Variants in KCNMB4 observed in about 807,000 individuals in gnomAD.
KCNMB4 encodes the protein calcium-activated potassium channel subunit beta-4.
Under a neutral mutation model 20.7 loss-of-function variants are expected in KCNMB4, and 3 were observed. The ratio of observed to expected loss-of-function variants is 0.14; its 90% confidence interval spans 0.07 to 0.37. KCNMB4 has a LOEUF of 0.37. Among genes scored for constraint, KCNMB4 ranks in the 10% least tolerant of loss-of-function variants. The probability of loss-of-function intolerance (pLI) is 1.00; values close to 1 mark genes in which losing one functional copy is unlikely to be tolerated. For synonymous variants in KCNMB4, 110 were observed against 113.4 expected, an observed-to-expected ratio of 0.97 and a Z score of 0.19; for missense variants, 168 against 265.9, an observed-to-expected ratio of 0.63 and a Z score of 2.56.
intron 2 of KCNMB4, among the ~76,000 whole-genome samples, chr12:70,408,473 C>A (rs1303702419): frequency 6.6e-6 from 1 of 152,194 alleles, no homozygotes; most frequent in East Asian, 1.9e-4. Flanking sequence ...TTTTAAAAAT[C>A]TAAGACAAAG....
In KCNMB4 at chr12:70,366,953, C is replaced by A. The variant is rs1441490884; in HGVS notation, c.219C>A (p.Gly73=). 6.2e-7 allele frequency: 1 copy of A among 1,610,554 alleles called. No individual in the cohort carries two copies. Among genetic ancestry groups the A allele is most frequent in the Non-Finnish European group, 8.5e-7 (1 of 1,178,494 alleles). The change falls in exon 1 of 3, where the codon GGC becomes GGA. Residue 73 remains glycine, a synonymous_variant. Transcript: ENST00000258111. ...GEVFECTFTC[G]ADCRGTSQYP... ...TGTTCGAGTGCACCTTCACCTGTGG[C>A]GCCGACTGCAGGGGCACCTCGCAGT...
In KCNMB4 at chr12:70,366,619, C is replaced by G; in HGVS notation, c.-116C>G. ...CTCCCCCTCGCCGCCCACTCCCCTG[C>G]TGTCGCGCGGCGGCGGCGGTGGCGG... On this transcript the variant is annotated 5_prime_UTR_variant, in exon 1 of 3. Coordinates refer to ENST00000258111, the MANE Select transcript of KCNMB4 (RefSeq NM_014505.6). 1 of 695,120 alleles carries G rather than the reference C, an allele frequency of 1.4e-6. No homozygotes were observed. Among genetic ancestry groups the G allele is most frequent in the Non-Finnish European group, 1.9e-6 (1 of 514,488 alleles). 43.1% of individuals were successfully genotyped at this position (695,120 alleles called of 1,614,324 possible).
intron 2 of KCNMB4, among the ~76,000 whole-genome samples, chr12:70,428,509 G>A (rs1593351246): frequency 6.6e-6 from 1 of 152,264 alleles, no homozygotes; most frequent in East Asian, 1.9e-4. Flanking sequence ...ACAGCTATGA[G>A]CACTGTACCT....
rs546679597 is a variant in KCNMB4, at chr12:70,366,536, G to A, written c.-199G>A. 3.0e-3 allele frequency: 484 copies of A among 161,344 alleles called. 5 individuals are homozygous for A. The highest frequency in any genetic ancestry group is 0.011 in the African/African-American group (442 of 41,500). 10.0% of individuals were successfully genotyped at this position (161,344 alleles called of 1,614,324 possible). ...CAGGCGGCGGCTGGGGGGCTGGGGG[G>A]CGCTGCCGCCGCCGCCGCCGGGGGC... On this transcript the variant is annotated 5_prime_UTR_variant, in exon 1 of 3. Coordinates refer to ENST00000258111, the MANE Select transcript of KCNMB4 (RefSeq NM_014505.6).
At chr12:70,422,789 A>G in intron 2 of KCNMB4, 2 of 1,266,828 alleles carry the variant, frequency 1.6e-6, no homozygotes, top group Non-Finnish European at 1.0e-6. Flanking sequence ...CCCCGATCTC[A>G]GGGTTTTAAG....
intron 1 of KCNMB4, among the ~76,000 whole-genome samples, chr12:70,376,082 C>T (rs1323656934): frequency 6.9e-6 from 1 of 144,916 alleles, no homozygotes; most frequent in Non-Finnish European, 1.5e-5. Context: ...GCATAAAGAA[C>T]AAGAAAAGCA....
intron 2 of KCNMB4, among the ~76,000 whole-genome samples, chr12:70,424,716 C>T (rs1313044105): frequency 2.7e-4 from 41 of 151,630 alleles, no homozygotes; most frequent in Non-Finnish European, 5.9e-5. Flanking sequence ...TGCCACTGCA[C>T]TCCAGCCTGG....
At position 70,370,825 on chromosome 12, in the gene KCNMB4, CAG is replaced by C. The variant is rs1356721002; in HGVS notation, c.336+3758_336+3759del. ...CTGCCCTCTTGTATGTGAGACAAGA[CAG>C]AGTGAGTGATTAGAGATAATATGGT... On this transcript the variant is annotated intron_variant, in intron 1 of 2. Transcript: ENST00000258111. Among the ~76,000 whole-genome samples, 4 of 149,002 alleles carry C rather than the reference CAG, an allele frequency of 2.7e-5. 1 individual carries two copies. In the South Asian group the frequency reaches 6.3e-4, roughly 24 times the overall value.
Position 70,430,799 on chromosome 12 carries a change from C to A in KCNMB4, c.*146C>A. On this transcript the variant is annotated 3_prime_UTR_variant, in exon 3 of 3. Transcript: ENST00000258111. ...GCTCATCCCTCAGTGGCAACAGAAA[C>A]AGGCACAACTGGAAGACTTGGAACC... is the stretch of plus-strand genomic sequence containing the variant. 1 of 684,292 alleles carries A rather than the reference C, an allele frequency of 1.5e-6. No individual in the cohort carries two copies. The highest frequency in any genetic ancestry group is 2.2e-6 in the Non-Finnish European group (1 of 447,482). The allele number at this position is 684,292 out of a possible 1,614,324, so 42.4% of individuals were successfully genotyped here.
intron 1 of KCNMB4, among the ~76,000 whole-genome samples, chr12:70,393,550 A>G (rs972996386): frequency 5.9e-5 from 9 of 152,178 alleles, no homozygotes; most frequent in Non-Finnish European, 8.8e-5. Context: ...TTGAAGATGG[A>G]ATGCCATGCC....
chr12:70,368,186 TTC>T (rs1593317409), intron 1 of KCNMB4, among the ~76,000 whole-genome samples: 2 of 152,140 alleles, frequency 1.3e-5, no homozygotes, highest in African/African-American at 2.4e-5. Context: ...CAGGAAAACT[TTC>T]TGTTAACTCT....
chr12:70,415,987 G>A (rs925018903), intron 2 of KCNMB4, among the ~76,000 whole-genome samples: 3 of 152,196 alleles, frequency 2.0e-5, no homozygotes, highest in African/African-American at 7.2e-5. Context: ...AGAGAGCTGA[G>A]TACCAAGAAA....
At chr12:70,399,425 T>C (rs1868397129) in intron 1 of KCNMB4, among the ~76,000 whole-genome samples, 1 of 152,236 alleles carries the variant, frequency 6.6e-6, no homozygotes. Flanking sequence ...GTACACAAGT[T>C]AAGTCCTGTT....
At chr12:70,419,715 G>A (rs1869000809) in intron 2 of KCNMB4, among the ~76,000 whole-genome samples, 1 of 152,084 alleles carries the variant, frequency 6.6e-6, no homozygotes, top group African/African-American at 2.4e-5. Context: ...AAGAATCTTT[G>A]GGCACATTTG....
intron 1 of KCNMB4, among the ~76,000 whole-genome samples, chr12:70,399,209 A>C (rs1355905738): frequency 6.6e-6 from 1 of 152,220 alleles, no homozygotes; most frequent in Non-Finnish European, 1.5e-5. Context: ...TGTATGCTGT[A>C]AATTAAACAA....
chr12:70,371,575 T>C (rs1883596418), intron 1 of KCNMB4, among the ~76,000 whole-genome samples: 1 of 152,228 alleles, frequency 6.6e-6, no homozygotes, highest in South Asian at 2.1e-4. Context: ...GTAACCTTTA[T>C]TTATCTTGAA....
chr12:70,382,517 T>C (rs1045348118), intron 1 of KCNMB4, among the ~76,000 whole-genome samples: 14 of 151,888 alleles, frequency 9.2e-5, no homozygotes, highest in Non-Finnish European at 1.6e-4. Flanking sequence ...AATATATATT[T>C]TATACATTAA....
intron 1 of KCNMB4, among the ~76,000 whole-genome samples, chr12:70,381,564 T>G (rs1883786282): frequency 1.3e-5 from 2 of 152,230 alleles, no homozygotes; most frequent in Non-Finnish European, 2.9e-5. Context: ...AATGAAGTGT[T>G]AATACAATAT....
At chr12:70,412,061 T>G (rs1405492074) in intron 2 of KCNMB4, among the ~76,000 whole-genome samples, 2 of 151,950 alleles carry the variant, frequency 1.3e-5, no homozygotes, top group African/African-American at 4.8e-5. Context: ...AAAGGAGGAA[T>G]GGACATAGGA....
Sources: gnomAD v4.1 joint callset for allele counts (sites outside exome capture counted in the v4.1 genomes callset) on GRCh38, gnomAD v4.1.1 for gene constraint, MANE v1.5 for transcripts, NCBI Gene and HGNC (gene_info 2026-07-23, HGNC 2026-07-21) for gene names.